PARD3B: variants seen among roughly 807,000 people sequenced by gnomAD.
The protein encoded by PARD3B is par-3 family cell polarity regulator beta, also known as partitioning defective 3 homolog B.
Under a neutral mutation model 130.2 loss-of-function variants are expected in PARD3B, and 103 were observed. The observed-to-expected ratio is 0.79, with a 90% CI of 0.67 to 0.93. The LOEUF is 0.93. Among genes scored for constraint, PARD3B ranks in the 40% least tolerant of loss-of-function variants. The probability of loss-of-function intolerance (pLI) is 0.00; values close to 1 mark genes in which losing one functional copy is unlikely to be tolerated. For missense variants in PARD3B, 1,609 were observed against 1,499.2 expected, an observed-to-expected ratio of 1.07 and a Z score of -1.21; for synonymous variants, 583 against 553.2, an observed-to-expected ratio of 1.05 and a Z score of -0.76.
At chr2:204,779,705 G>A (rs1332133401) in intron 2 of PARD3B, among the ~76,000 whole-genome samples, 2 of 152,168 alleles carry the variant, frequency 1.3e-5, no homozygotes, top group Non-Finnish European at 2.9e-5. Flanking sequence ...GAAGCCCAGG[G>A]TTGTGAGGCT....
intron 1 of PARD3B, among the ~76,000 whole-genome samples, chr2:204,586,088 C>T (rs2032811497): frequency 1.3e-5 from 2 of 152,230 alleles, no homozygotes; most frequent in African/African-American, 2.4e-5. Context: ...ATAACAGTAG[C>T]TCCCCTGTAG....
At chr2:204,654,237 A>C (rs2035574515) in intron 1 of PARD3B, among the ~76,000 whole-genome samples, 1 of 151,274 alleles carries the variant, frequency 6.6e-6, no homozygotes, top group Non-Finnish European at 1.5e-5. Context: ...TAAGGAAGGC[A>C]AGATGATTTA....
intron 8 of PARD3B, among the ~76,000 whole-genome samples, chr2:205,123,640 C>A (rs2031023614): frequency 3.6e-5 from 4 of 112,346 alleles, no homozygotes; most frequent in South Asian, 3.2e-4. Flanking sequence ...ACATGAAAAC[C>A]AAAGAGAGTC....
intron 4 of PARD3B, chr2:205,048,106 C>T (rs1337576873): frequency 6.5e-6 from 1 of 154,944 alleles, no homozygotes; most frequent in African/African-American, 2.4e-5. Context: ...GGCCAGTACA[C>T]TATACTGTTA....
chr2:205,551,980 C>T (rs7575726), intron 21 of PARD3B, among the ~76,000 whole-genome samples: 137,610 of 152,252 alleles, frequency 0.9, 63,520 homozygotes, highest in Non-Finnish European at 0.99. Flanking sequence ...ATACCAAGTG[C>T]GTTGAGGTGA....
chr2:204,930,958 C>T (rs1024186369), intron 2 of PARD3B, among the ~76,000 whole-genome samples: 3 of 152,058 alleles, frequency 2.0e-5, no homozygotes, highest in Non-Finnish European at 4.4e-5. Context: ...TCTCAGGGCA[C>T]AGATGATAAT....
At chr2:205,204,664 G>C (rs191519103) in intron 15 of PARD3B, among the ~76,000 whole-genome samples, 1 of 151,862 alleles carries the variant, frequency 6.6e-6, no homozygotes, top group Non-Finnish European at 1.5e-5. Flanking sequence ...AGTTTTCTGC[G>C]TGTGGCTAGC....
At chr2:205,284,537 G>T (rs1328710460) in intron 16 of PARD3B, among the ~76,000 whole-genome samples, 2 of 152,116 alleles carry the variant, frequency 1.3e-5, no homozygotes, top group Admixed American at 6.6e-5. Flanking sequence ...ATTGAAAGTG[G>T]CTGGGTTGTC....
chr2:205,093,916 CT>C (rs1158634273), intron 4 of PARD3B, among the ~76,000 whole-genome samples: 2 of 152,124 alleles, frequency 1.3e-5, no homozygotes, highest in Admixed American at 1.3e-4. Flanking sequence ...ACAAACAAAC[CT>C]TTTGCTGACT....
intron 2 of PARD3B, among the ~76,000 whole-genome samples, chr2:204,750,589 AATACACACATACATAC>A (rs1435150203): frequency 6.9e-6 from 1 of 144,922 alleles, no homozygotes; most frequent in East Asian, 2.0e-4. Flanking sequence ...CTGTTTCAAA[AATACACACATACATAC>A]ATACATACAT....
intron 13 of PARD3B, among the ~76,000 whole-genome samples, chr2:205,180,274 T>G (rs2035715501): frequency 6.6e-6 from 1 of 151,742 alleles, no homozygotes; most frequent in Non-Finnish European, 1.5e-5. Flanking sequence ...GATGAAATTT[T>G]CTTACTTTTT....
intron 21 of PARD3B, among the ~76,000 whole-genome samples, chr2:205,524,540 T>C (rs1378333673): frequency 2.0e-5 from 3 of 152,200 alleles, no homozygotes; most frequent in Admixed American, 1.3e-4. Context: ...CCCAGCCGTC[T>C]CGTCCTCTAT....
intron 18 of PARD3B, among the ~76,000 whole-genome samples, chr2:205,315,225 G>C (rs898904268): frequency 8.5e-5 from 13 of 152,134 alleles, no homozygotes; most frequent in Non-Finnish European, 1.5e-4. Context: ...CTCAAATCCA[G>C]CTCTACTTCC....
At position 205,142,593 on chromosome 2, in the gene PARD3B, C is replaced by T. The variant is rs1165899367; in HGVS notation, c.1435-16129C>T. Among the ~76,000 whole-genome samples the T allele has an allele frequency of 6.6e-6, 1 of 152,134 alleles. No individual in the cohort carries two copies. The highest frequency in any genetic ancestry group is 2.4e-5 in the African/African-American group (1 of 41,528). ...AGTGGTATAGCAGAGTTAAGATAGA[C>T]AGGCAACCAGGCACAGTGGCTCACG... On this transcript the variant is annotated intron_variant, in intron 10 of 22. Coordinates refer to ENST00000406610, the MANE Select transcript of PARD3B (RefSeq NM_001302769.2). This position sits in a 1 kb window ranked among gnomAD's most constrained non-coding sequence, Gnocchi z 4.3.
Position 205,499,901 on chromosome 2 carries a change from G to C in PARD3B, c.3050G>C (p.Arg1017Pro). ...TATTTGTCTATATCCTGTAGTGGCC[G>C]TCCTACGGGTGGAAGCACTGACCGT... ...YHPLVPADSGRPTGGSTDRIQ... is the reference protein window; with the variant it reads ...YHPLVPADSGPPTGGSTDRIQ... The change falls in exon 21 of 23, where the codon CGT (arginine) becomes CCT (proline). Residue 1017 changes from arginine to proline, a missense_variant. By Grantham distance (103) the Arg-to-Pro change is moderately radical. Coordinates refer to ENST00000406610, the MANE Select transcript of PARD3B (RefSeq NM_001302769.2). 6.2e-7 allele frequency: 1 copy of C among 1,613,432 alleles called. No homozygotes were observed. Among genetic ancestry groups the C allele is most frequent in the Non-Finnish European group, 8.5e-7 (1 of 1,179,536 alleles).
At chr2:205,096,078 A>C (rs886728448) in intron 4 of PARD3B, among the ~76,000 whole-genome samples, 1 of 152,166 alleles carries the variant, frequency 6.6e-6, no homozygotes, top group Non-Finnish European at 1.5e-5. Context: ...ATCTATTCTG[A>C]GAGTGCTTCT....
At chr2:204,858,086 T>C (rs896215998) in intron 2 of PARD3B, among the ~76,000 whole-genome samples, 4 of 152,156 alleles carry the variant, frequency 2.6e-5, no homozygotes, top group Non-Finnish European at 4.4e-5. Context: ...ATCCATAATA[T>C]TGTAAATGGA....
At position 205,338,434 on chromosome 2, in the gene PARD3B, G is replaced by A. The variant is rs572668220; in HGVS notation, c.2630+36733G>A. On this transcript the variant is annotated intron_variant, in intron 18 of 22. Transcript: ENST00000406610. ...CAGTTACATGGAGAATATTACCATG[G>A]GAAAACATCATTTAATTTATATTCT... 2.6e-5 allele frequency among the ~76,000 whole-genome samples: 4 copies of A among 152,152 alleles called. No homozygotes were observed. In the South Asian group the frequency reaches 6.2e-4, roughly 24 times the overall value.
chr2:205,440,550 C>G lies in PARD3B; in HGVS notation c.2922C>G (p.Pro974=), dbSNP rs1343474536. 6.2e-7 allele frequency: 1 copy of G among 1,613,944 alleles called. No individual in the cohort carries two copies. Among genetic ancestry groups the G allele is most frequent in the Non-Finnish European group, 8.5e-7 (1 of 1,179,990 alleles). Residue 974 remains proline (P), a synonymous_variant, in exon 20 of 23, where the codon CCC becomes CCG. Coordinates refer to ENST00000406610, the MANE Select transcript of PARD3B (RefSeq NM_001302769.2). This position sits in a 1 kb window ranked among gnomAD's most constrained non-coding sequence, Gnocchi z 4.2. ...TSANVFRSPS[P]PRAGPFGYPR... ...CAAATGTCTTTAGATCTCCATCTCCCCCTCGAGCTGGACCATTTGGTTACC... is the reference window on the plus strand; with the variant it reads ...CAAATGTCTTTAGATCTCCATCTCCGCCTCGAGCTGGACCATTTGGTTACC...
Sources: gnomAD v4.1 joint callset for allele counts (sites outside exome capture counted in the v4.1 genomes callset) on GRCh38, gnomAD v4.1.1 for gene constraint, Gnocchi (gnomAD v3.1) non-coding constraint, MANE v1.5 for transcripts, NCBI Gene and HGNC (gene_info 2026-07-23, HGNC 2026-07-21) for gene names.